The following KIAA1671 variants were observed in gnomAD, a reference collection of about 807,000 sequenced individuals.
The protein encoded by KIAA1671 is KIAA1671.
Under a neutral mutation model 131.2 loss-of-function variants are expected in KIAA1671, and 52 were observed. The ratio of observed to expected loss-of-function variants is 0.40; its 90% CI spans 0.32 to 0.50. The LOEUF (loss-of-function observed/expected upper bound fraction) is 0.50, where lower values mean the gene tolerates loss of function less well. KIAA1671 is among the 20% of genes least tolerant of loss of function. The probability of loss-of-function intolerance (pLI) is 0.73; values close to 1 mark genes in which losing one functional copy is unlikely to be tolerated. For missense variants in KIAA1671, 2,360 were observed against 2,364.2 expected, an observed-to-expected ratio of 1.00 and a Z score of 0.04; for synonymous variants, 1,003 against 961.6, an observed-to-expected ratio of 1.04 and a Z score of -0.80.
intron 6 of KIAA1671, among the ~76,000 whole-genome samples, chr22:25,116,578 C>T (rs12167369): frequency 0.076 from 11,497 of 151,884 alleles, 1,350 homozygotes; most frequent in African/African-American, 0.26. Flanking sequence ...TGTTCCACCA[C>T]ACCCGGCTAA....
At chr22:25,093,191 G>A (rs982775674) in intron 6 of KIAA1671, among the ~76,000 whole-genome samples, 2 of 152,184 alleles carry the variant, frequency 1.3e-5, no homozygotes, top group African/African-American at 2.4e-5. Flanking sequence ...TACAGATGAG[G>A]AGACTGAAAC....
chr22:24,972,413 T>C (rs1360738927), intron 1 of KIAA1671, among the ~76,000 whole-genome samples: 1 of 152,142 alleles, frequency 6.6e-6, no homozygotes, highest in African/African-American at 2.4e-5. Context: ...ATTCCTCCAT[T>C]TTGTATTCAT....
chr22:25,155,995 A>G (rs1933224674), intron 6 of KIAA1671, among the ~76,000 whole-genome samples: 2 of 110,066 alleles, frequency 1.8e-5, no homozygotes, highest in African/African-American at 3.2e-5. Flanking sequence ...TTTTTTGTGC[A>G]TGTATGTGTG....
At chr22:25,000,123 T>C (rs1233883108) in intron 1 of KIAA1671, among the ~76,000 whole-genome samples, 1 of 149,486 alleles carries the variant, frequency 6.7e-6, no homozygotes, top group African/African-American at 2.5e-5. Context: ...GACCTCGTGA[T>C]CCACCTGCCT....
At chr22:25,131,989 T>G (rs1304529422) in intron 6 of KIAA1671, among the ~76,000 whole-genome samples, 1 of 152,228 alleles carries the variant, frequency 6.6e-6, no homozygotes, top group African/African-American at 2.4e-5. Flanking sequence ...ATTGTTGTTG[T>G]GATTATGGTG....
rs1339182453 is a variant in KIAA1671 at position 25,177,507 on chromosome 22, T to G, written c.5059T>G (p.Phe1687Val). The change falls in exon 9 of 13, where the codon TTC (phenylalanine) becomes GTC (valine). Residue 1687 changes from phenylalanine (F) to valine (V), a missense_variant. By Grantham distance (50) the Phe-to-Val change is conservative (BLOSUM62 -1). Around this residue, in one of 3 missense-constraint regions of KIAA1671, gnomAD observed 1,161 missense variants for 1,204.7 expected, o/e 0.96. Coordinates refer to ENST00000358431, the MANE Select transcript of KIAA1671 (RefSeq NM_001145206.2). The stretch of plus-strand genomic sequence containing the variant: ...GGATGAGACTGACAACACGTGGATG[T>G]TCAAAGACTCAACGGGTATGCCATG... Reference protein sequence around the residue: ...LEDETDNTWMFKDSTEEKSPR... With the variant: ...LEDETDNTWMVKDSTEEKSPR... 2 of 1,551,122 alleles carry G rather than the reference T, an allele frequency of 1.3e-6. No homozygotes were observed. The highest frequency in any genetic ancestry group is 2.7e-5 in the African/African-American group (2 of 73,032).
chr22:25,075,001 C>T (rs1223099767), intron 6 of KIAA1671, among the ~76,000 whole-genome samples: 10 of 152,136 alleles, frequency 6.6e-5, no homozygotes, highest in African/African-American at 2.2e-4. Flanking sequence ...AAGATAGTAG[C>T]GGGAGTTCCT....
At chr22:25,105,879 T>C (rs571808979) in intron 6 of KIAA1671, among the ~76,000 whole-genome samples, 9 of 152,232 alleles carry the variant, frequency 5.9e-5, no homozygotes, top group South Asian at 4.2e-4. Flanking sequence ...GTTGGTCATT[T>C]CACTTCTTTC....
chr22:24,973,483 C>T (rs1255843580), intron 1 of KIAA1671, among the ~76,000 whole-genome samples: 1 of 145,896 alleles, frequency 6.9e-6, no homozygotes, highest in Non-Finnish European at 1.5e-5. Context: ...ACTGCAACCT[C>T]CACCTCCCGG....
At chr22:24,969,344 C>G (rs556874912) in intron 1 of KIAA1671, among the ~76,000 whole-genome samples, 3 of 152,236 alleles carry the variant, frequency 2.0e-5, no homozygotes, top group African/African-American at 7.2e-5. Flanking sequence ...ATAACCTACG[C>G]ATATCTTCTC....
At chr22:25,004,311 T>C (rs10854783) in intron 1 of KIAA1671, among the ~76,000 whole-genome samples, 28,932 of 152,000 alleles carry the variant, frequency 0.19, 3,216 homozygotes, top group Middle Eastern at 0.31. Flanking sequence ...AGATGGGATC[T>C]CATTATGTTG....
At chr22:25,149,581 C>A (rs1011728485) in intron 6 of KIAA1671, among the ~76,000 whole-genome samples, 2 of 152,074 alleles carry the variant, frequency 1.3e-5, no homozygotes, top group Non-Finnish European at 2.9e-5. Context: ...TGCCCCTCCC[C>A]AAGATTGGAC....
At chr22:25,141,302 G>A (rs1601350953) in intron 6 of KIAA1671, among the ~76,000 whole-genome samples, 3 of 151,790 alleles carry the variant, frequency 2.0e-5, no homozygotes, top group East Asian at 1.9e-4. Flanking sequence ...GCATAATCTC[G>A]GCTCACTGAA....
chr22:25,045,543 C>T (rs1269137762), intron 5 of KIAA1671, among the ~76,000 whole-genome samples: 1 of 152,228 alleles, frequency 6.6e-6, no homozygotes, highest in Non-Finnish European at 1.5e-5. Flanking sequence ...TAGGTAAATA[C>T]ATAAGCTTTC....
rs367786792 is a variant in KIAA1671, at chr22:25,039,901, C to G, written c.2771C>G (p.Pro924Arg). 2 of 1,551,420 alleles carry G rather than the reference C, an allele frequency of 1.3e-6. No individual in the cohort carries two copies. The highest frequency in any genetic ancestry group is 1.4e-5 in the African/African-American group (1 of 73,054). The change falls in exon 5 of 13, where the codon CCG (proline) becomes CGG (arginine). Residue 924 changes from proline to arginine, a missense_variant. By Grantham distance (103) the Pro-to-Arg change is moderately radical. Transcript: ENST00000358431. ...GCCGCCAGGGAGGGTGATCCAGGGC[C>G]GGCCCAGGTGCCACAGCCTGCAGTC... ...IVAAREGDPG[P>R]AQVPQPAVRM...
At chr22:25,016,467 C>T (rs909833729) in intron 1 of KIAA1671, among the ~76,000 whole-genome samples, 1 of 152,228 alleles carries the variant, frequency 6.6e-6, no homozygotes, top group East Asian at 1.9e-4. Context: ...ATCAGAATCA[C>T]GGAATCTTAA....
chr22:25,053,712 G>A (rs2145825459), intron 6 of KIAA1671: 1 of 152,506 alleles, frequency 6.6e-6, no homozygotes, highest in Non-Finnish European at 1.5e-5. Flanking sequence ...GCAGGAAGTA[G>A]GAGGGGAGAC....
chr22:25,027,544 C>A (rs1304485670), intron 2 of KIAA1671, among the ~76,000 whole-genome samples: 1 of 152,316 alleles, frequency 6.6e-6, no homozygotes, highest in African/African-American at 2.4e-5. Flanking sequence ...GGTGTCAAAC[C>A]TGGTTTTAAG....
chr22:25,152,246 A>G (rs9612877), intron 6 of KIAA1671, among the ~76,000 whole-genome samples: 10,476 of 152,324 alleles, frequency 0.069, 517 homozygotes, highest in Non-Finnish European at 0.1. Context: ...ACACACCTGC[A>G]TAATCAGAAC....
Sources: allele counts gnomAD v4.1 joint callset (sites outside exome capture counted in the v4.1 genomes callset), GRCh38; gene constraint gnomAD v4.1.1; regional missense constraint gnomAD v4.1.1; transcripts MANE v1.5; gene names NCBI Gene and HGNC (gene_info 2026-07-23, HGNC 2026-07-21).